STK32B: variants seen among roughly 807,000 people sequenced by gnomAD.
STK32B encodes serine/threonine-protein kinase 32B.
In STK32B, 43 loss-of-function variants were observed where a neutral mutation model predicts 52.6. The ratio of observed to expected loss-of-function variants is 0.82; its 90% CI spans 0.64 to 1.05. The LOEUF is 1.05. Ranked by LOEUF, STK32B falls within the 50% of genes least tolerant of loss-of-function variation. The pLI is 0.00. For missense variants in STK32B, 621 were observed against 534.6 expected, an observed-to-expected ratio of 1.16 and a Z score of -1.59; for synonymous variants, 238 against 204.3, an observed-to-expected ratio of 1.17 and a Z score of -1.41.
At chr4:5,100,635 T>TC (rs398106943) in intron 1 of STK32B, among the ~76,000 whole-genome samples, 12 of 75,448 alleles carry the variant, frequency 1.6e-4, no homozygotes, top group Non-Finnish European at 7.2e-5. Flanking sequence ...TTTCTTTCTC[T>TC]TTCTTTCTTT....
intron 3 of STK32B, among the ~76,000 whole-genome samples, chr4:5,329,358 G>C (rs1732079764): frequency 6.6e-6 from 1 of 152,192 alleles, no homozygotes; most frequent in African/African-American, 2.4e-5. Flanking sequence ...GCCCTCCGCT[G>C]TTTGTGCAGG....
chr4:5,085,963 T>C (rs1388581135), intron 1 of STK32B, among the ~76,000 whole-genome samples: 1 of 152,046 alleles, frequency 6.6e-6, no homozygotes, highest in Non-Finnish European at 1.5e-5. Context: ...AAGGCTTTTC[T>C]TTATTTTACT....
chr4:5,206,778 C>G (rs999045622), intron 3 of STK32B, among the ~76,000 whole-genome samples: 2 of 152,184 alleles, frequency 1.3e-5, no homozygotes, highest in South Asian at 4.1e-4. Flanking sequence ...AAGACACATC[C>G]AAGAAGGAGC....
chr4:5,142,250 A>G (rs781053296), intron 2 of STK32B, among the ~76,000 whole-genome samples: 12 of 152,194 alleles, frequency 7.9e-5, no homozygotes, highest in African/African-American at 2.9e-4. Flanking sequence ...AATATATTCA[A>G]TGGTCAACTC....
intron 1 of STK32B, among the ~76,000 whole-genome samples, chr4:5,053,677 G>T (rs1741877447): frequency 1.3e-5 from 2 of 152,126 alleles, no homozygotes; most frequent in Admixed American, 1.3e-4. Flanking sequence ...CTGTTTCGGT[G>T]CTTGTTAAAA....
chr4:5,256,399 G>A (rs1726301056), intron 3 of STK32B, among the ~76,000 whole-genome samples: 1 of 152,208 alleles, frequency 6.6e-6, no homozygotes, highest in African/African-American at 2.4e-5. Context: ...TTTTGGTTGT[G>A]GGGTATGGAT....
chr4:5,428,357 G>A lies in STK32B; in HGVS notation c.562+11423G>A, dbSNP rs148334430. 3.7e-3 allele frequency among the ~76,000 whole-genome samples: 562 copies of A among 152,140 alleles called. 2 individuals carry two copies. Among genetic ancestry groups the A allele is most frequent in the African/African-American group, 0.013 (526 of 41,482 alleles). ...CGGGAGGTGGAGCTTGCAGTGAGCC[G>A]AGATAGCACCACTGCACTCTAGCCT... is the stretch of plus-strand genomic sequence containing the variant. On this transcript the variant is annotated intron_variant, in intron 6 of 11. Transcript: ENST00000282908.
intron 3 of STK32B, among the ~76,000 whole-genome samples, chr4:5,325,787 T>A (rs1344136200): frequency 1.3e-5 from 2 of 152,194 alleles, no homozygotes; most frequent in Non-Finnish European, 2.9e-5. Flanking sequence ...TTATTTGTGA[T>A]CTCCATCATT....
intron 3 of STK32B, among the ~76,000 whole-genome samples, chr4:5,168,750 A>G (rs541769656): frequency 6.6e-6 from 1 of 152,358 alleles, no homozygotes; most frequent in East Asian, 1.9e-4. Flanking sequence ...AAGATAGGCT[A>G]CTAAAGGGAG....
At chr4:5,123,260 A>G (rs1024324696) in intron 1 of STK32B, among the ~76,000 whole-genome samples, 3 of 151,976 alleles carry the variant, frequency 2.0e-5, no homozygotes, top group Non-Finnish European at 4.4e-5. Flanking sequence ...GTGTCTCTCA[A>G]GTTTCCCCCA....
rs548140339 is a variant in STK32B, at chr4:5,269,332, G to T, written c.261-61888G>T. Among the ~76,000 whole-genome samples, 147 of 152,268 alleles carry T rather than the reference G, an allele frequency of 9.7e-4. 1 individual carries two copies. Among genetic ancestry groups the T allele is most frequent in the African/African-American group, 3.4e-3 (141 of 41,544 alleles). ...GAGAACATAGAAGGGTCTCAGGAAT[G>T]GGGGGTACTAAGCTTTAGATTAAGT... On this transcript the variant is annotated intron_variant, in intron 3 of 11. Transcript: ENST00000282908.
intron 3 of STK32B, among the ~76,000 whole-genome samples, chr4:5,281,170 A>C (rs1728170101): frequency 6.6e-6 from 1 of 152,050 alleles, no homozygotes. Context: ...TATCATGAGA[A>C]CAGCAAGGGG....
At chr4:5,218,004 A>G (rs1039989528) in intron 3 of STK32B, among the ~76,000 whole-genome samples, 1 of 151,130 alleles carries the variant, frequency 6.6e-6, no homozygotes, top group Non-Finnish European at 1.5e-5. Context: ...TGTTATTATT[A>G]TTATTACTCT....
chr4:5,101,750 A>T (rs1281965250), intron 1 of STK32B, among the ~76,000 whole-genome samples: 3 of 152,194 alleles, frequency 2.0e-5, no homozygotes, highest in Non-Finnish European at 2.9e-5. Context: ...AACCGCAACC[A>T]AAATTCCTGT....
chr4:5,183,989 C>T (rs1381886207), intron 3 of STK32B, among the ~76,000 whole-genome samples: 4 of 152,142 alleles, frequency 2.6e-5, no homozygotes, highest in Non-Finnish European at 5.9e-5. Context: ...AAACTTTCTC[C>T]GTATCAGCAG....
rs575827527 is a variant in STK32B, at chr4:5,370,965, A to C, written c.435-27242A>C. Among the ~76,000 whole-genome samples the C allele has an allele frequency of 3.9e-3, 564 of 144,140 alleles. 1 individual carries two copies. Among genetic ancestry groups the C allele is most frequent in the African/African-American group, 0.014 (538 of 37,944 alleles). The allele number at this position is 144,140 out of a possible 152,430, so 94.6% of individuals were successfully genotyped here. A position where few individuals can be genotyped will look rare whatever the true frequency, so the allele number is the denominator to read the frequency against. On this transcript the variant is annotated intron_variant, in intron 4 of 11. Coordinates refer to ENST00000282908, the MANE Select transcript of STK32B (RefSeq NM_018401.3). ...TCCAGCCTAGGTGACGAAGCAAGAC[A>C]CTATCTAAATATATATATATGTGTG... is the stretch of plus-strand genomic sequence containing the variant.
intron 1 of STK32B, among the ~76,000 whole-genome samples, chr4:5,101,704 C>T (rs1297788453): frequency 6.6e-6 from 1 of 152,078 alleles, no homozygotes; most frequent in East Asian, 1.9e-4. Context: ...TGCATTTCCA[C>T]CCTCTGGGAC....
Position 5,319,237 on chromosome 4 carries a change from A to T in STK32B, c.261-11983A>T, listed in dbSNP as rs144706147. The stretch of plus-strand genomic sequence containing the variant: ...AATAATTCCTGTATGACTAATGAGG[A>T]TATGGGGCCCAGAACCTAGGACTTT... On this transcript the variant is annotated intron_variant, in intron 3 of 11. Coordinates refer to ENST00000282908, the MANE Select transcript of STK32B (RefSeq NM_018401.3). 3.2e-3 allele frequency among the ~76,000 whole-genome samples: 491 copies of T among 152,286 alleles called. 4 individuals carry two copies. Among genetic ancestry groups the T allele is most frequent in the African/African-American group, 0.011 (469 of 41,568 alleles).
chr4:5,299,492 A>G (rs1041884755), intron 3 of STK32B, among the ~76,000 whole-genome samples: 5 of 152,098 alleles, frequency 3.3e-5, no homozygotes, highest in South Asian at 4.2e-4. Context: ...ATGATTACCC[A>G]ATTTATCCAG....
Sources: allele counts gnomAD v4.1 joint callset (sites outside exome capture counted in the v4.1 genomes callset), GRCh38; gene constraint gnomAD v4.1.1; transcripts MANE v1.5; gene names NCBI Gene and HGNC (gene_info 2026-07-23, HGNC 2026-07-21).